GALNTL6: variants seen among roughly 807,000 people sequenced by gnomAD.
GALNTL6 encodes the protein polypeptide N-acetylgalactosaminyltransferase-like 6.
A neutral mutation model predicts 73.7 loss-of-function variants in GALNTL6; 46 were observed. The observed-to-expected ratio is 0.62, with a 90% CI of 0.49 to 0.80. The LOEUF is 0.80. Ranked by LOEUF, GALNTL6 falls within the 30% of genes least tolerant of loss-of-function variation. The probability of loss-of-function intolerance (pLI) is 0.00; values close to 1 mark genes in which losing one functional copy is unlikely to be tolerated. For synonymous variants in GALNTL6, 259 were observed against 263.7 expected (o/e 0.98, Z 0.17); for missense variants, 604 against 755.0 (o/e 0.80, Z 2.34).
At chr4:172,077,931 C>A (rs368343802) in intron 2 of GALNTL6, among the ~76,000 whole-genome samples, 2 of 152,220 alleles carry the variant, frequency 1.3e-5, no homozygotes, top group East Asian at 3.9e-4. Flanking sequence ...AACAGGGCGC[C>A]CTGCATCTCA....
At chr4:172,531,727 G>A (rs1191142724) in intron 5 of GALNTL6, among the ~76,000 whole-genome samples, 1 of 152,184 alleles carries the variant, frequency 6.6e-6, no homozygotes, top group African/African-American at 2.4e-5. Flanking sequence ...GCTTCACTCT[G>A]AGCTGCCATG....
chr4:173,037,543 A>G (rs906835347), intron 12 of GALNTL6, among the ~76,000 whole-genome samples: 1 of 152,210 alleles, frequency 6.6e-6, no homozygotes, highest in African/African-American at 2.4e-5. Context: ...GAAAAATATG[A>G]TCAGTTGATG....
intron 3 of GALNTL6, among the ~76,000 whole-genome samples, chr4:172,252,287 G>A (rs370525159): frequency 1.4e-4 from 21 of 152,078 alleles, no homozygotes; most frequent in South Asian, 4.1e-4. Flanking sequence ...CAAGGCTCTT[G>A]GCAGAAATAA....
At chr4:172,303,671 T>C (rs1740020686) in intron 3 of GALNTL6, among the ~76,000 whole-genome samples, 1 of 152,224 alleles carries the variant, frequency 6.6e-6, no homozygotes, top group South Asian at 2.1e-4. Flanking sequence ...GTTACTTTTG[T>C]TTGTGTGACA....
chr4:173,002,108 C>T (rs1752068851), intron 10 of GALNTL6, among the ~76,000 whole-genome samples: 1 of 152,172 alleles, frequency 6.6e-6, no homozygotes, highest in South Asian at 2.1e-4. Flanking sequence ...AAAGTAGAAA[C>T]AGGCCAGGAG....
chr4:172,203,948 G>C (rs1431360183), intron 2 of GALNTL6, among the ~76,000 whole-genome samples: 1 of 152,038 alleles, frequency 6.6e-6, no homozygotes. Context: ...GTTTCTCCAT[G>C]TTGGTCAGGC....
chr4:172,633,335 G>A (rs1739498354), intron 5 of GALNTL6, among the ~76,000 whole-genome samples: 1 of 152,332 alleles, frequency 6.6e-6, no homozygotes, highest in Admixed American at 6.5e-5. Flanking sequence ...CCCACCTCTT[G>A]CATCAGTATG....
intron 2 of GALNTL6, among the ~76,000 whole-genome samples, chr4:172,009,365 A>G (rs1401572694): frequency 6.6e-6 from 1 of 152,052 alleles, no homozygotes; most frequent in Non-Finnish European, 1.5e-5. Context: ...ATGGTGCTGG[A>G]CAAATATTTT....
At chr4:172,408,202 A>G (rs992678142) in intron 5 of GALNTL6, among the ~76,000 whole-genome samples, 1 of 152,082 alleles carries the variant, frequency 6.6e-6, no homozygotes, top group Non-Finnish European at 1.5e-5. Context: ...GTGGAAATGT[A>G]TTCCATTAAA....
intron 3 of GALNTL6, among the ~76,000 whole-genome samples, chr4:172,304,080 T>A (rs562321506): frequency 2.6e-4 from 2 of 7,626 alleles, no homozygotes; most frequent in East Asian, 0.01. Flanking sequence ...TATTCTGGGT[T>A]TTTTTTCTCT....
intron 2 of GALNTL6, among the ~76,000 whole-genome samples, chr4:171,934,007 A>T (rs1309211602): frequency 6.6e-6 from 1 of 152,214 alleles, no homozygotes; most frequent in East Asian, 1.9e-4. Context: ...ACATTCCTGG[A>T]CTACAGGTTA....
intron 2 of GALNTL6, among the ~76,000 whole-genome samples, chr4:171,991,746 A>T (rs1740343194): frequency 6.8e-6 from 1 of 146,852 alleles, no homozygotes; most frequent in South Asian, 2.1e-4. Flanking sequence ...ATATATATAT[A>T]TATATATATA....
intron 8 of GALNTL6, among the ~76,000 whole-genome samples, chr4:172,903,329 A>G (rs1746723761): frequency 6.6e-6 from 1 of 152,192 alleles, no homozygotes; most frequent in Admixed American, 6.5e-5. Context: ...CTAACTAGTC[A>G]GACTTGGTTG....
At chr4:172,096,498 T>G (rs1187625046) in intron 2 of GALNTL6, among the ~76,000 whole-genome samples, 2 of 152,040 alleles carry the variant, frequency 1.3e-5, no homozygotes, top group African/African-American at 4.8e-5. Context: ...CGATTTTTCC[T>G]TGTTTTCTGA....
intron 2 of GALNTL6, among the ~76,000 whole-genome samples, chr4:172,082,999 C>T (rs1731924949): frequency 6.6e-6 from 1 of 152,052 alleles, no homozygotes; most frequent in Non-Finnish European, 1.5e-5. Context: ...AAGCTTGATC[C>T]TTCTGGAATC....
At chr4:172,358,542 T>A (rs538462998) in intron 5 of GALNTL6, among the ~76,000 whole-genome samples, 5 of 152,308 alleles carry the variant, frequency 3.3e-5, no homozygotes, top group African/African-American at 1.2e-4. Context: ...TTTTAACTCA[T>A]CAGCTATTAT....
chr4:172,866,020 T>G (rs1189484374), intron 7 of GALNTL6, among the ~76,000 whole-genome samples: 1 of 152,202 alleles, frequency 6.6e-6, no homozygotes, highest in Non-Finnish European at 1.5e-5. Context: ...TGATCCTATG[T>G]GCTCACAATC....
At chr4:172,555,094 C>T (rs1361976297) in intron 5 of GALNTL6, among the ~76,000 whole-genome samples, 2 of 152,096 alleles carry the variant, frequency 1.3e-5, no homozygotes, top group African/African-American at 2.4e-5. Flanking sequence ...TAGCACATAG[C>T]TTTTAATGTT....
intron 5 of GALNTL6, among the ~76,000 whole-genome samples, chr4:172,376,864 G>T (rs193282216): frequency 1.6e-4 from 25 of 152,250 alleles, no homozygotes; most frequent in African/African-American, 5.8e-4. Flanking sequence ...TGGTGTGTCT[G>T]GAGTTTGTTC....
Sources: allele counts gnomAD v4.1 joint callset (sites outside exome capture counted in the v4.1 genomes callset), GRCh38; gene constraint gnomAD v4.1.1; transcripts MANE v1.5; gene names NCBI Gene and HGNC (gene_info 2026-07-23, HGNC 2026-07-21).